The following YEATS2 variants were observed in gnomAD, a reference collection of about 807,000 sequenced individuals.
YEATS2 encodes YEATS domain-containing protein 2.
YEATS2 carries 77 observed loss-of-function variants against 163.2 expected under a neutral mutation model. The observed-to-expected ratio is 0.47, with a 90% CI of 0.39 to 0.57. YEATS2 has a LOEUF of 0.57. Among genes scored for constraint, YEATS2 ranks in the 20% least tolerant of loss-of-function variants. YEATS2 has a pLI of 0.00. For missense variants in YEATS2, 1,549 were observed against 1,729.8 expected (o/e 0.90, Z 1.85); for synonymous variants, 631 against 645.1 (o/e 0.98, Z 0.33).
chr3:183,745,617 T>C (rs1247884979), intron 8 of YEATS2, among the ~76,000 whole-genome samples: 1 of 152,218 alleles, frequency 6.6e-6, no homozygotes, highest in African/African-American at 2.4e-5. Context: ...TCTGTAAATA[T>C]ACATTAAATA....
At chr3:183,799,899 C>G (rs768305653) in intron 23 of YEATS2, among the ~76,000 whole-genome samples, 10 of 144,236 alleles carry the variant, frequency 6.9e-5, no homozygotes, top group Non-Finnish European at 1.3e-4. Flanking sequence ...GTGGCACAGT[C>G]TCGGCTCAAT....
intron 13 of YEATS2, 50 bp from the exon 14 acceptor site, chr3:183,761,457 G>A (rs1240357127): frequency 1.4e-6 from 2 of 1,479,262 alleles, no homozygotes; most frequent in East Asian, 4.5e-5. Flanking sequence ...CTAGATATCT[G>A]AAATCACCCA....
Position 183,756,784 on chromosome 3 carries a change from T to C in YEATS2, c.1552+95T>C, listed in dbSNP as rs976809577. The C allele has an allele frequency of 2.7e-6, 3 of 1,131,288 alleles. No individual in the cohort carries two copies. In the African/African-American group the frequency reaches 4.8e-5, roughly 18 times the overall value. 70.1% of individuals were successfully genotyped at this position (1,131,288 alleles called of 1,614,324 possible). A position where few individuals can be genotyped will look rare whatever the true frequency, so the allele number is the denominator to read the frequency against. On this transcript the variant is annotated intron_variant, in intron 12 of 30. Transcript: ENST00000305135. ...ACTTGGTAGCCATGTAATTGGAGAATGAAATCTCCCGTAAACGAGAAGCGA... is the reference window on the plus strand; with the variant it reads ...ACTTGGTAGCCATGTAATTGGAGAACGAAATCTCCCGTAAACGAGAAGCGA...
At chr3:183,805,138 G>GCTCGTAAT (rs2108529382) in intron 27 of YEATS2, among the ~76,000 whole-genome samples, 2 of 152,092 alleles carry the variant, frequency 1.3e-5, no homozygotes, top group African/African-American at 4.8e-5. Flanking sequence ...AGTGGCTCAT[G>GCTCGTAAT]CCCGTAATCC....
At chr3:183,749,533 CAT>C (rs1409837615) in intron 9 of YEATS2, among the ~76,000 whole-genome samples, 1 of 152,208 alleles carries the variant, frequency 6.6e-6, no homozygotes, top group African/African-American at 2.4e-5. Context: ...GGAATCATAA[CAT>C]ATGTGTCTCT....
intron 1 of YEATS2, among the ~76,000 whole-genome samples, chr3:183,710,033 G>A (rs772851127): frequency 9.2e-5 from 14 of 152,064 alleles, no homozygotes; most frequent in Non-Finnish European, 1.6e-4. Context: ...TATTTTAGTC[G>A]CAGCGTTACA....
chr3:183,770,684 T>A (rs1420185107), intron 15 of YEATS2, among the ~76,000 whole-genome samples: 1 of 152,224 alleles, frequency 6.6e-6, no homozygotes, highest in Non-Finnish European at 1.5e-5. Flanking sequence ...CTCCATGCGC[T>A]TATTACATGA....
chr3:183,722,283 T>C (rs1172615233), intron 5 of YEATS2, 147 bp downstream of exon 5: 1 of 107,416 alleles, frequency 9.3e-6, no homozygotes, highest in South Asian at 2.2e-4. Flanking sequence ...CAAATCTTTT[T>C]TTTTTTTTTT....
At chr3:183,747,955 T>G (rs1319285306) in intron 9 of YEATS2, among the ~76,000 whole-genome samples, 2 of 151,890 alleles carry the variant, frequency 1.3e-5, no homozygotes, top group African/African-American at 4.8e-5. Flanking sequence ...AATTTTTATA[T>G]TTTTAGTAGA....
At chr3:183,751,583 A>G (rs1229216270) in intron 9 of YEATS2, among the ~76,000 whole-genome samples, 1 of 152,224 alleles carries the variant, frequency 6.6e-6, no homozygotes. Flanking sequence ...TCTTAGTGGC[A>G]TTGAAAATGG....
chr3:183,795,161 G>T (rs1254457718), intron 21 of YEATS2, among the ~76,000 whole-genome samples: 1 of 125,680 alleles, frequency 8.0e-6, no homozygotes, highest in East Asian at 2.3e-4. Flanking sequence ...GAAAGAGCAA[G>T]ACACTGTCTC....
chr3:183,750,041 G>A (rs1263562678), intron 9 of YEATS2, among the ~76,000 whole-genome samples: 2 of 151,848 alleles, frequency 1.3e-5, no homozygotes, highest in African/African-American at 2.4e-5. Flanking sequence ...AGCCAGGATG[G>A]TCTTGATCTC....
At chr3:183,717,913 A>G (rs1716075479) in intron 3 of YEATS2, among the ~76,000 whole-genome samples, 165 bp downstream of exon 3, 1 of 120,974 alleles carries the variant, frequency 8.3e-6, no homozygotes. Flanking sequence ...AGAAAATGCT[A>G]TTTTTTAAAT....
chr3:183,798,133 TGTGTA>T, intron 22 of YEATS2, 82 bp downstream of exon 22: 1 of 1,578,318 alleles, frequency 6.3e-7, no homozygotes, highest in Non-Finnish European at 8.6e-7. Context: ...CTGCTCTGCC[TGTGTA>T]CAGCCACCCT....
At position 183,809,141 on chromosome 3, in the gene YEATS2, A is replaced by T; in HGVS notation, c.4131A>T (p.Ala1377=). Reference sequence around the variant, plus strand: ...ATGATATCCTGAGACAGGCTTTGGCAGTTGGATACCAGACAGCTTCTCACA... The same window carrying T: ...ATGATATCCTGAGACAGGCTTTGGCTGTTGGATACCAGACAGCTTCTCACA... ...LVNDILRQAL[A]VGYQTASHNR... The change falls in exon 30 of 31, where the codon GCA becomes GCT. Residue 1377 remains alanine (A), a synonymous_variant. Transcript: ENST00000305135. The T allele has an allele frequency of 6.2e-7, 1 of 1,614,180 alleles. No individual in the cohort carries two copies. The highest frequency in any genetic ancestry group is 8.5e-7 in the Non-Finnish European group (1 of 1,180,012).
intron 25 of YEATS2, 34 bp downstream of exon 25, chr3:183,801,562 T>C: frequency 6.6e-7 from 1 of 1,525,380 alleles, no homozygotes; most frequent in Non-Finnish European, 8.9e-7. Context: ...GGGGTGCATT[T>C]TTGAAAGCTG....
intron 12 of YEATS2, among the ~76,000 whole-genome samples, chr3:183,756,936 G>A (rs1261037683): frequency 1.3e-5 from 2 of 152,162 alleles, no homozygotes; most frequent in Non-Finnish European, 2.9e-5. Context: ...CATAATGAAT[G>A]TTCTTAAAAG....
chr3:183,704,907 G>A (rs1460978344), intron 1 of YEATS2, among the ~76,000 whole-genome samples: 1 of 152,118 alleles, frequency 6.6e-6, no homozygotes, highest in Non-Finnish European at 1.5e-5. Flanking sequence ...GGGATTACAG[G>A]CATGAGCCAC....
chr3:183,758,986 T>G (rs772725580), intron 13 of YEATS2, 21 bp downstream of exon 13: 1 of 1,417,774 alleles, frequency 7.1e-7, no homozygotes. Context: ...TACTGCGTTA[T>G]TACACTTTGC....
Sources: gnomAD v4.1 joint callset for allele counts (sites outside exome capture counted in the v4.1 genomes callset) on GRCh38, gnomAD v4.1.1 for gene constraint, MANE v1.5 for transcripts, NCBI Gene and HGNC (gene_info 2026-07-23, HGNC 2026-07-21) for gene names.